Variants in PRKCQ observed in about 807,000 individuals in gnomAD.
The protein encoded by PRKCQ is protein kinase C theta, also known as protein kinase C theta type.
Under a neutral mutation model 91.2 loss-of-function variants are expected in PRKCQ, and 41 were observed. The ratio of observed to expected loss-of-function variants is 0.45; its 90% CI spans 0.35 to 0.58. PRKCQ has a LOEUF of 0.58. Ranked by LOEUF, PRKCQ falls within the 20% of genes least tolerant of loss-of-function variation. The pLI is 0.00. For synonymous variants in PRKCQ, 307 were observed against 316.9 expected (o/e 0.97, Z 0.33); for missense variants, 673 against 896.5 (o/e 0.75, Z 3.18).
At chr10:6,495,138 A>G (rs1325517871) in intron 7 of PRKCQ, among the ~76,000 whole-genome samples, 1 of 151,508 alleles carries the variant, frequency 6.6e-6, no homozygotes, top group African/African-American at 2.4e-5. Flanking sequence ...TAAACCACCA[A>G]CCTCCCCGCT....
chr10:6,521,922 G>GTTATGTTATGTTATTTATTTATTTAT (rs748814617), intron 1 of PRKCQ, among the ~76,000 whole-genome samples: 1 of 63,198 alleles, frequency 1.6e-5, no homozygotes, highest in African/African-American at 4.5e-5. Flanking sequence ...GTTATGTTAT[G>GTTATGTTATGTTATTTATTTATTTAT]TTATTTATTT....
At chr10:6,394,166 TGTC>T in the PRKCQ span, among the ~76,000 whole-genome samples, 1 of 152,260 alleles carries the variant, frequency 6.6e-6, no homozygotes, top group African/African-American at 2.4e-5. Context: ...GAAGGTGTCA[TGTC>T]GTTCATTCCT....
chr10:6,401,252 T>C, the PRKCQ span, among the ~76,000 whole-genome samples: 7,983 of 152,214 alleles, frequency 0.052, 352 homozygotes, highest in South Asian at 0.14. Flanking sequence ...GCCGAAACCA[T>C]CTCTACCTAT....
At chr10:6,482,531 G>C (rs1836660667) in intron 11 of PRKCQ, among the ~76,000 whole-genome samples, 1 of 152,184 alleles carries the variant, frequency 6.6e-6, no homozygotes, top group African/African-American at 2.4e-5. Flanking sequence ...GGCCTGGGAA[G>C]AAACAACCCA....
At chr10:6,495,776 G>C (rs1284259768) in intron 7 of PRKCQ, among the ~76,000 whole-genome samples, 1 of 152,202 alleles carries the variant, frequency 6.6e-6, no homozygotes, top group Admixed American at 6.5e-5. Flanking sequence ...TGACAGAGTG[G>C]AGTAATAGAC....
At chr10:6,467,375 C>G (rs7903438) in intron 12 of PRKCQ, among the ~76,000 whole-genome samples, 834 of 45,934 alleles carry the variant, frequency 0.018, 6 homozygotes, top group Middle Eastern at 0.029. Flanking sequence ...GAGAGAGAGA[C>G]AGAGAGAGAC....
intron 8 of PRKCQ, among the ~76,000 whole-genome samples, chr10:6,486,684 G>T (rs1836938901): frequency 6.6e-6 from 1 of 152,174 alleles, no homozygotes; most frequent in African/African-American, 2.4e-5. Context: ...ATTCTTCCTG[G>T]GCGAAGCCAA....
chr10:6,577,975 T>C (rs1482976931), intron 1 of PRKCQ, among the ~76,000 whole-genome samples: 1 of 152,204 alleles, frequency 6.6e-6, no homozygotes, highest in Non-Finnish European at 1.5e-5. Flanking sequence ...AAACATCTAA[T>C]TCATTGCAGA....
At chr10:6,534,295 T>G (rs1452749977) in intron 1 of PRKCQ, among the ~76,000 whole-genome samples, 1 of 151,884 alleles carries the variant, frequency 6.6e-6, no homozygotes, top group Non-Finnish European at 1.5e-5. Context: ...TAGAAAATAA[T>G]TATTCTGTGA....
Position 6,485,264 on chromosome 10 carries a change from G to A in PRKCQ, c.906C>T (p.Arg302=), listed in dbSNP as rs1415645864. The A allele has an allele frequency of 1.4e-5, 23 of 1,613,292 alleles. No homozygotes were observed. The highest frequency in any genetic ancestry group is 1.9e-5 in the Non-Finnish European group (22 of 1,179,560). ...AGATCTGTTCAGTATCTCTTAAGCA[G>A]CGAGCCTGGATGACAAACAGAGAGT... is the stretch of plus-strand genomic sequence containing the variant. ...LAMIESTQQA[R]CLRDTEQIFR... The change falls in exon 10 of 18, where the codon CGC becomes CGT. Residue 302 remains arginine, a synonymous_variant. Coordinates refer to ENST00000263125, the MANE Select transcript of PRKCQ (RefSeq NM_006257.5).
chr10:6,525,684 A>T (rs1323457490), intron 1 of PRKCQ, among the ~76,000 whole-genome samples: 1 of 152,220 alleles, frequency 6.6e-6, no homozygotes. Context: ...TCTTACTCTA[A>T]GTCCACGAGC....
At chr10:6,578,551 T>C (rs1329886102) in intron 1 of PRKCQ, among the ~76,000 whole-genome samples, 2 of 152,196 alleles carry the variant, frequency 1.3e-5, no homozygotes, top group African/African-American at 2.4e-5. Context: ...AGTGGATCGC[T>C]AACTTGCAGG....
chr10:6,394,364 G>C, the PRKCQ span, among the ~76,000 whole-genome samples: 1 of 152,200 alleles, frequency 6.6e-6, no homozygotes, highest in Non-Finnish European at 1.5e-5. Flanking sequence ...CCGATGGTCA[G>C]GTTCTTGAAC....
intron 15 of PRKCQ, among the ~76,000 whole-genome samples, chr10:6,450,675 A>G (rs1834617517): frequency 6.6e-6 from 1 of 152,210 alleles, no homozygotes; most frequent in South Asian, 2.1e-4. Flanking sequence ...CATAGTTGGA[A>G]GTAAAGCTCT....
At chr10:6,579,381 C>T (rs1841364049) in intron 1 of PRKCQ, among the ~76,000 whole-genome samples, 1 of 152,176 alleles carries the variant, frequency 6.6e-6, no homozygotes, top group African/African-American at 2.4e-5. Context: ...GGCAGGACAG[C>T]CCAGGGAACA....
chr10:6,490,401 G>A (rs1271485500), intron 8 of PRKCQ, among the ~76,000 whole-genome samples: 1 of 151,746 alleles, frequency 6.6e-6, no homozygotes, highest in Non-Finnish European at 1.5e-5. Context: ...AAAATAAAGT[G>A]GCTTATATAT....
At chr10:6,531,702 G>C (rs1438406986) in intron 1 of PRKCQ, among the ~76,000 whole-genome samples, 1 of 152,014 alleles carries the variant, frequency 6.6e-6, no homozygotes, top group African/African-American at 2.4e-5. Flanking sequence ...ACGTGGCACA[G>C]GAATTGACCA....
intron 14 of PRKCQ, 147 bp downstream of exon 14, chr10:6,462,156 T>C (rs753776827): frequency 1.1e-5 from 8 of 708,518 alleles, no homozygotes; most frequent in East Asian, 2.5e-5. Flanking sequence ...TCATCATCCA[T>C]GTAATCATTG....
chr10:6,570,706 C>A (rs1203200834), intron 1 of PRKCQ, among the ~76,000 whole-genome samples: 3 of 152,062 alleles, frequency 2.0e-5, no homozygotes, highest in Non-Finnish European at 2.9e-5. Context: ...AGGTATGCGC[C>A]AGCACGCCTG....
Sources: gnomAD v4.1 joint callset for allele counts (sites outside exome capture counted in the v4.1 genomes callset) on GRCh38, gnomAD v4.1.1 for gene constraint, MANE v1.5 for transcripts, NCBI Gene and HGNC (gene_info 2026-07-23, HGNC 2026-07-21) for gene names.